NCAM2: variants seen among roughly 807,000 people sequenced by gnomAD.
The protein encoded by NCAM2 is N-CAM-2.
NCAM2 carries 30 observed loss-of-function variants against 98.1 expected under a neutral mutation model. The observed-to-expected ratio is 0.31, with a 90% confidence interval of 0.23 to 0.41. The LOEUF (loss-of-function observed/expected upper bound fraction) is 0.41. NCAM2 is among the 10% of genes least tolerant of loss of function. The pLI is 1.00. For synonymous variants in NCAM2, 368 were observed against 342.4 expected (o/e 1.07, Z -0.83); for missense variants, 867 against 1,005.8 (o/e 0.86, Z 1.87).
At chr21:21,131,510 T>C (rs7283554) in intron 1 of NCAM2, among the ~76,000 whole-genome samples, 81,846 of 152,020 alleles carry the variant, frequency 0.54, 23,515 homozygotes, top group South Asian at 0.64. Flanking sequence ...CAACCTCAGG[T>C]GATCCACCCG....
intron 17 of NCAM2, among the ~76,000 whole-genome samples, chr21:21,535,948 T>C (rs183561449): frequency 6.6e-6 from 1 of 152,270 alleles, no homozygotes; most frequent in African/African-American, 2.4e-5. Context: ...CATTAAAAAC[T>C]TAATATATAT....
At chr21:21,051,686 A>G (rs8126872) in intron 1 of NCAM2, among the ~76,000 whole-genome samples, 134,040 of 152,222 alleles carry the variant, frequency 0.88, 59,600 homozygotes, top group Middle Eastern at 0.96. Context: ...CTTGCAAGAA[A>G]AGCAGACATT....
rs567075858 is a variant in NCAM2 at position 21,349,572 on chromosome 21, C to T, written c.1044+11038C>T. 4.1e-4 allele frequency among the ~76,000 whole-genome samples: 63 copies of T among 152,264 alleles called. No homozygotes were observed. In the South Asian group the frequency reaches 0.013, roughly 31 times the overall value. ...GCTACTCTATGATTCAACAATCCCACTCCTGGGCATATACCCAAAAGAAAG... is the reference window on the plus strand; with the variant it reads ...GCTACTCTATGATTCAACAATCCCATTCCTGGGCATATACCCAAAAGAAAG... On this transcript the variant is annotated intron_variant, in intron 8 of 17. Coordinates refer to ENST00000400546, the MANE Select transcript of NCAM2 (RefSeq NM_004540.5).
chr21:21,425,435 A>G (rs1467695414), intron 11 of NCAM2, among the ~76,000 whole-genome samples: 1 of 152,156 alleles, frequency 6.6e-6, no homozygotes, highest in African/African-American at 2.4e-5. Flanking sequence ...CTTATGACCC[A>G]TTGTTGAAAT....
chr21:21,176,815 A>G (rs1236860522), intron 1 of NCAM2, among the ~76,000 whole-genome samples: 4 of 151,882 alleles, frequency 2.6e-5, no homozygotes, highest in Non-Finnish European at 4.4e-5. Context: ...TCTGTACTAG[A>G]GAATTGCTGT....
At chr21:21,069,403 C>T (rs1170710817) in intron 1 of NCAM2, among the ~76,000 whole-genome samples, 4 of 152,158 alleles carry the variant, frequency 2.6e-5, no homozygotes, top group Non-Finnish European at 5.9e-5. Context: ...CATCTCCTTC[C>T]TTAACTTGAC....
At chr21:21,061,379 T>C (rs527549015) in intron 1 of NCAM2, among the ~76,000 whole-genome samples, 1 of 152,298 alleles carries the variant, frequency 6.6e-6, no homozygotes, top group African/African-American at 2.4e-5. Flanking sequence ...TGGTATGCTT[T>C]AGTTTGTTCC....
chr21:21,367,060 T>G lies in NCAM2; in HGVS notation c.1045-6803T>G, dbSNP rs76734951. Among the ~76,000 whole-genome samples the G allele has an allele frequency of 9.6e-3, 1,453 of 152,100 alleles. 45 individuals are homozygous for G. Among genetic ancestry groups the G allele is most frequent in the Admixed American group, 0.056 (857 of 15,228 alleles). ...GAATTCAATTATGTGGCATACATTA[T>G]CACCATATCTCTGACCATATTATAA... On this transcript the variant is annotated intron_variant, in intron 8 of 17. Coordinates refer to ENST00000400546, the MANE Select transcript of NCAM2 (RefSeq NM_004540.5).
intron 11 of NCAM2, among the ~76,000 whole-genome samples, chr21:21,430,279 C>T (rs540984592): frequency 6.9e-4 from 104 of 151,728 alleles, no homozygotes; most frequent in Non-Finnish European, 1.3e-3. Flanking sequence ...CCGCCCACCT[C>T]AGCTTCCAAA....
At chr21:21,004,235 A>G (rs2064071015) in intron 1 of NCAM2, among the ~76,000 whole-genome samples, 1 of 152,198 alleles carries the variant, frequency 6.6e-6, no homozygotes, top group African/African-American at 2.4e-5. Flanking sequence ...TAATCAAATA[A>G]CAAGCACTTT....
At chr21:21,287,290 A>T (rs1439800944) in intron 4 of NCAM2, among the ~76,000 whole-genome samples, 4 of 152,008 alleles carry the variant, frequency 2.6e-5, no homozygotes, top group Non-Finnish European at 4.4e-5. Flanking sequence ...AAGAGACAGA[A>T]AATAATATCT....
At chr21:21,201,878 T>G (rs973307141) in intron 1 of NCAM2, among the ~76,000 whole-genome samples, 1 of 152,170 alleles carries the variant, frequency 6.6e-6, no homozygotes, top group African/African-American at 2.4e-5. Context: ...CTCAGATATT[T>G]CTCTAGACCT....
intron 1 of NCAM2, among the ~76,000 whole-genome samples, chr21:21,202,054 C>T (rs963203092): frequency 1.1e-4 from 17 of 152,128 alleles, no homozygotes; most frequent in Admixed American, 1.3e-4. Flanking sequence ...TTGAGAAGCA[C>T]AAGCCTTACA....
chr21:21,184,452 C>A (rs2068574995), intron 1 of NCAM2, among the ~76,000 whole-genome samples: 1 of 152,108 alleles, frequency 6.6e-6, no homozygotes, highest in African/African-American at 2.4e-5. Context: ...GAATGGGCAG[C>A]TTCTTACAGT....
At chr21:21,210,285 T>A (rs1247496832) in intron 1 of NCAM2, among the ~76,000 whole-genome samples, 2 of 152,208 alleles carry the variant, frequency 1.3e-5, no homozygotes, top group Non-Finnish European at 2.9e-5. Context: ...CATAAAACGT[T>A]AAAATGCAGT....
At chr21:21,349,182 C>T (rs2075269830) in intron 8 of NCAM2, among the ~76,000 whole-genome samples, 1 of 151,924 alleles carries the variant, frequency 6.6e-6, no homozygotes, top group South Asian at 2.1e-4. Flanking sequence ...TTGTAAACTA[C>T]CTGACAAGGG....
Position 21,543,058 on chromosome 21 carries a change from T to C in NCAM2, c.*5101T>C, listed in dbSNP as rs1277935349. 2 of 151,890 alleles carry C rather than the reference T, an allele frequency of 1.3e-5. No homozygotes were observed. Among genetic ancestry groups the C allele is most frequent in the Non-Finnish European group, 2.9e-5 (2 of 67,876 alleles). 9.4% of individuals were successfully genotyped at this position (151,890 alleles called of 1,614,324 possible). ...TATGTGAACTGTATGCTGTGCTCAG[T>C]ATGTACTGAAACATACTATCTTTTA... On this transcript the variant is annotated 3_prime_UTR_variant, in exon 18 of 18. Transcript: ENST00000400546.
intron 1 of NCAM2, among the ~76,000 whole-genome samples, chr21:21,268,654 A>G (rs936758151): frequency 6.6e-6 from 1 of 152,140 alleles, no homozygotes; most frequent in African/African-American, 2.4e-5. Context: ...ATGAGAATAT[A>G]TCTGATATCC....
chr21:21,265,406 ATGTG>A, intron 1 of NCAM2, among the ~76,000 whole-genome samples: 1 of 122,904 alleles, frequency 8.1e-6, no homozygotes, highest in African/African-American at 3.1e-5. Context: ...TATATTATAT[ATGTG>A]TATATATAAT....
Sources: gnomAD v4.1 joint callset for allele counts (sites outside exome capture counted in the v4.1 genomes callset) on GRCh38, gnomAD v4.1.1 for gene constraint, MANE v1.5 for transcripts, NCBI Gene and HGNC (gene_info 2026-07-23, HGNC 2026-07-21) for gene names.